NT5DC1: variants seen among roughly 807,000 people sequenced by gnomAD.
NT5DC1 encodes the protein 5'-nucleotidase domain containing 1.
In NT5DC1, 42 loss-of-function variants were observed where a neutral mutation model predicts 59.4. The observed-to-expected ratio is 0.71, with a 90% CI of 0.55 to 0.92. The LOEUF is 0.92. Ranked by LOEUF, NT5DC1 falls within the 40% of genes least tolerant of loss-of-function variation. The pLI is 0.00. For synonymous variants in NT5DC1, 172 were observed against 188.1 expected, an observed-to-expected ratio of 0.91 and a Z score of 0.70; for missense variants, 501 against 537.1, an observed-to-expected ratio of 0.93 and a Z score of 0.66.
At chr6:116,195,203 T>C (rs1781198584) in intron 6 of NT5DC1, among the ~76,000 whole-genome samples, 1 of 152,088 alleles carries the variant, frequency 6.6e-6, no homozygotes, top group African/African-American at 2.4e-5. Flanking sequence ...ACTGAAGTTA[T>C]AATATAGGCA....
At chr6:116,101,217 C>T (rs145058697) in intron 1 of NT5DC1, among the ~76,000 whole-genome samples, 194 bp downstream of exon 1, 1 of 152,164 alleles carries the variant, frequency 6.6e-6, no homozygotes, top group African/African-American at 2.4e-5. Flanking sequence ...GCCGTGGGGA[C>T]CGGCACATTT....
chr6:116,128,400 T>C (rs1014636133), intron 6 of NT5DC1, among the ~76,000 whole-genome samples: 1 of 152,164 alleles, frequency 6.6e-6, no homozygotes, highest in Admixed American at 6.5e-5. Context: ...TGTAGCTGTT[T>C]GAAGTGACTA....
chr6:116,224,121 CT>C (rs1384151555), intron 8 of NT5DC1, among the ~76,000 whole-genome samples: 17 of 152,184 alleles, frequency 1.1e-4, no homozygotes, highest in African/African-American at 4.1e-4. Flanking sequence ...CATTTCTCTA[CT>C]TTCCCATGGC....
At chr6:116,121,193 CCCTT>C in intron 6 of NT5DC1, 3 of 1,613,450 alleles carry the variant, frequency 1.9e-6, no homozygotes, top group Non-Finnish European at 2.5e-6. Context: ...TCCTCTTTCT[CCCTT>C]CAGGCCTGGC....
intron 6 of NT5DC1, among the ~76,000 whole-genome samples, chr6:116,139,514 A>T (rs1471942304): frequency 1.3e-5 from 2 of 152,286 alleles, no homozygotes; most frequent in East Asian, 3.9e-4. Context: ...CAGTGTAATG[A>T]TATTGAACTG....
intron 11 of NT5DC1, among the ~76,000 whole-genome samples, chr6:116,243,320 G>T (rs1306979373): frequency 6.6e-6 from 1 of 152,054 alleles, no homozygotes; most frequent in Non-Finnish European, 1.5e-5. Flanking sequence ...TTTTTATTCA[G>T]ATAAGCTTTC....
intron 6 of NT5DC1, among the ~76,000 whole-genome samples, chr6:116,218,617 TC>T (rs1371630716): frequency 1.3e-5 from 2 of 152,124 alleles, no homozygotes; most frequent in Non-Finnish European, 2.9e-5. Context: ...TACTTCCTCT[TC>T]CCTGGGAAAC....
chr6:116,147,998 GT>G lies in NT5DC1; in HGVS notation c.529+30054del, dbSNP rs377639026. On this transcript the variant is annotated intron_variant, in intron 6 of 11. Transcript: ENST00000319550. ...AGACTCTGTCTCAAAAAAAAAAAAG[GT>G]GGGGGGGGTTGGAGGCACCTTGTTG... Among the ~76,000 whole-genome samples, 292 of 151,508 alleles carry G rather than the reference GT, an allele frequency of 1.9e-3. 7 individuals carry two copies. The South Asian group carries it at 0.026, about 14-fold the overall frequency.
intron 6 of NT5DC1, among the ~76,000 whole-genome samples, chr6:116,159,107 T>C (rs541845135): frequency 5.3e-5 from 8 of 152,222 alleles, no homozygotes; most frequent in Non-Finnish European, 1.2e-4. Flanking sequence ...AGCAATGTTA[T>C]GGAATTCCAC....
intron 6 of NT5DC1, among the ~76,000 whole-genome samples, chr6:116,163,143 T>TATATATATAC (rs1554197065): frequency 2.4e-4 from 19 of 79,086 alleles, no homozygotes; most frequent in African/African-American, 1.3e-3. Context: ...AAAAAAAAAA[T>TATATATATAC]ATATATATAT....
chr6:116,119,777 T>G, intron 6 of NT5DC1: 1 of 271,536 alleles, frequency 3.7e-6, no homozygotes, highest in Non-Finnish European at 6.9e-6. Flanking sequence ...TGTTGTTTGT[T>G]TTTTGTTGTT....
Position 116,126,024 on chromosome 6 carries a change from T to C in NT5DC1, c.529+8079T>C, listed in dbSNP as rs540471131. 5.8e-5 allele frequency: 9 copies of C among 156,394 alleles called. No individual in the cohort carries two copies. The South Asian group carries it at 1.4e-3, about 24-fold the overall frequency. The allele number at this position is 156,394 out of a possible 1,614,324, so 9.7% of individuals were successfully genotyped here. A position where few individuals can be genotyped will look rare whatever the true frequency, so the allele number is the denominator to read the frequency against. On this transcript the variant is annotated intron_variant, in intron 6 of 11. Transcript: ENST00000319550. ...AAGTTTCTTTCCAAGCAAGTTAACA[T>C]GGAAGTCCACCAGTAAGCGTACGCT... is the stretch of plus-strand genomic sequence containing the variant.
At chr6:116,148,224 G>A (rs1582834840) in intron 6 of NT5DC1, among the ~76,000 whole-genome samples, 1 of 152,074 alleles carries the variant, frequency 6.6e-6, no homozygotes, top group Non-Finnish European at 1.5e-5. Flanking sequence ...TGGGGACAGG[G>A]GTGGGAGGGA....
At chr6:116,116,327 C>T (rs1224187978) in intron 5 of NT5DC1, among the ~76,000 whole-genome samples, 1 of 152,050 alleles carries the variant, frequency 6.6e-6, no homozygotes, top group Non-Finnish European at 1.5e-5. Flanking sequence ...AATCACTTTC[C>T]TTTATGCATG....
intron 6 of NT5DC1, among the ~76,000 whole-genome samples, chr6:116,206,046 A>G (rs1433280345): frequency 6.6e-6 from 1 of 151,988 alleles, no homozygotes; most frequent in Non-Finnish European, 1.5e-5. Context: ...CCTGGAAGTA[A>G]CAAAAAGTAG....
chr6:116,243,230 G>A (rs1375806723), intron 11 of NT5DC1, among the ~76,000 whole-genome samples: 2 of 152,156 alleles, frequency 1.3e-5, no homozygotes, highest in Non-Finnish European at 2.9e-5. Context: ...CCCTCATCCT[G>A]TGACTATGAA....
Position 116,120,801 on chromosome 6 carries a change from C to A in NT5DC1, c.529+2856C>A, listed in dbSNP as rs143685448. 2.2e-5 allele frequency: 35 copies of A among 1,612,698 alleles called. No individual in the cohort carries two copies. The African/African-American group carries it at 4.3e-4, about 20-fold the overall frequency. On this transcript the variant is annotated intron_variant, in intron 6 of 11. Transcript: ENST00000319550. ...ATTCCAGGGGCACCTCTTGGGCCAGCCTCTCCATTGTGTCCGGGCATTCCC... is the reference window on the plus strand; with the variant it reads ...ATTCCAGGGGCACCTCTTGGGCCAGACTCTCCATTGTGTCCGGGCATTCCC...
chr6:116,198,579 A>G (rs1436041188), intron 6 of NT5DC1, among the ~76,000 whole-genome samples: 1 of 151,890 alleles, frequency 6.6e-6, no homozygotes, highest in East Asian at 2.0e-4. Context: ...AAAAAATTTA[A>G]AAATAGCCAG....
intron 6 of NT5DC1, among the ~76,000 whole-genome samples, chr6:116,129,303 A>T (rs1449106994): frequency 6.6e-6 from 1 of 152,148 alleles, no homozygotes; most frequent in Non-Finnish European, 1.5e-5. Context: ...TTGATTGATA[A>T]ATTGTTTGTT....
Sources: allele counts gnomAD v4.1 joint callset (sites outside exome capture counted in the v4.1 genomes callset), GRCh38; gene constraint gnomAD v4.1.1; transcripts MANE v1.5; gene names NCBI Gene and HGNC (gene_info 2026-07-23, HGNC 2026-07-21).